Variants in JMJD1C observed in about 807,000 individuals in gnomAD.
JMJD1C encodes the protein jumonji domain containing 1C.
JMJD1C carries 31 observed loss-of-function variants against 245.3 expected under a neutral mutation model. That is an observed-to-expected ratio of 0.13 (90% CI 0.09 to 0.17). JMJD1C has a LOEUF of 0.17. Among genes scored for constraint, JMJD1C ranks in the 10% least tolerant of loss-of-function variants. JMJD1C has a pLI of 1.00. For missense variants in JMJD1C, 2,691 were observed against 3,000.2 expected (o/e 0.90, Z 2.41); for synonymous variants, 1,057 against 1,017.4 (o/e 1.04, Z -0.74).
At chr10:63,202,120 A>G (rs192117909) in intron 10 of JMJD1C, 1 of 172,942 alleles carries the variant, frequency 5.8e-6, no homozygotes, top group African/African-American at 2.5e-5. Context: ...CAGGCGCGGT[A>G]GCACGCACCT....
intron 2 of JMJD1C, among the ~76,000 whole-genome samples, chr10:63,326,963 G>A (rs1941595279): frequency 6.6e-6 from 1 of 152,178 alleles, no homozygotes; most frequent in African/African-American, 2.4e-5. Flanking sequence ...GAGACAGGAA[G>A]ATTGCTTGAG....
chr10:63,351,642 T>C (rs1358467231), intron 2 of JMJD1C, among the ~76,000 whole-genome samples: 1 of 151,908 alleles, frequency 6.6e-6, no homozygotes, highest in Non-Finnish European at 1.5e-5. Context: ...AAATAGAACA[T>C]AAAATCACCC....
intron 1 of JMJD1C, among the ~76,000 whole-genome samples, chr10:63,409,800 C>G (rs1313411790): frequency 6.6e-6 from 1 of 152,082 alleles, no homozygotes. Context: ...TCATAGATGC[C>G]TGAGGTCTTT....
At chr10:63,500,058 T>A (rs1954495270) in intron 1 of JMJD1C, among the ~76,000 whole-genome samples, 1 of 152,176 alleles carries the variant, frequency 6.6e-6, no homozygotes. Context: ...TAGGGGTAAA[T>A]GTAAATAACA....
chr10:63,443,147 G>C (rs1052967569), intron 1 of JMJD1C, among the ~76,000 whole-genome samples: 1 of 152,096 alleles, frequency 6.6e-6, no homozygotes, highest in Non-Finnish European at 1.5e-5. Context: ...TTTCTTACTA[G>C]ATTATTATTA....
At chr10:63,268,190 A>G (rs1326413114) in intron 2 of JMJD1C, among the ~76,000 whole-genome samples, 1 of 151,594 alleles carries the variant, frequency 6.6e-6, no homozygotes, top group African/African-American at 2.4e-5. Flanking sequence ...CTAAAGCAGA[A>G]AACAACCTAA....
chr10:63,323,487 T>A lies in JMJD1C; in HGVS notation c.333+56831A>T, dbSNP rs563338536. ...GTGAGCCAAGATCGCGCCACTGTAC[T>A]CCACCCTGGGTGACAGAGCAAGACT... On this transcript the variant is annotated intron_variant, in intron 2 of 25. Coordinates refer to ENST00000399262, the MANE Select transcript of JMJD1C (RefSeq NM_032776.3). Among the ~76,000 whole-genome samples the A allele has an allele frequency of 2.6e-5, 4 of 152,170 alleles. No individual in the cohort carries two copies. In the East Asian group the frequency reaches 7.7e-4, roughly 29 times the overall value.
chr10:63,400,207 A>G (rs1948763381), intron 1 of JMJD1C, among the ~76,000 whole-genome samples: 1 of 152,198 alleles, frequency 6.6e-6, no homozygotes, highest in South Asian at 2.1e-4. Context: ...ATAATGCTGC[A>G]ATGAATATAT....
chr10:63,325,939 T>G (rs1941443362), intron 2 of JMJD1C, among the ~76,000 whole-genome samples: 1 of 152,240 alleles, frequency 6.6e-6, no homozygotes, highest in Non-Finnish European at 1.5e-5. Context: ...ACATATTAAC[T>G]GCTAAATCCA....
intron 1 of JMJD1C, 95 bp downstream of exon 1, chr10:63,465,400 G>T: frequency 7.8e-7 from 1 of 1,288,320 alleles, no homozygotes. Flanking sequence ...CAGTTGGCCG[G>T]GCTGAGCGAG....
intron 1 of JMJD1C, among the ~76,000 whole-genome samples, chr10:63,462,187 A>G (rs1952841651): frequency 6.6e-6 from 1 of 152,222 alleles, no homozygotes; most frequent in African/African-American, 2.4e-5. Flanking sequence ...GTTAGCAAAG[A>G]TAATTCCAAT....
chr10:63,444,599 A>T (rs906205183), intron 1 of JMJD1C, among the ~76,000 whole-genome samples: 1 of 151,450 alleles, frequency 6.6e-6, no homozygotes, highest in South Asian at 2.1e-4. Flanking sequence ...TTAATTAAAC[A>T]AACAATTACT....
intron 1 of JMJD1C, among the ~76,000 whole-genome samples, chr10:63,493,958 C>A (rs927168081): frequency 6.6e-6 from 1 of 152,146 alleles, no homozygotes; most frequent in Non-Finnish European, 1.5e-5. Context: ...TCTTTTCTTC[C>A]CGTAGCTGGC....
At chr10:63,265,669 A>T (rs1855474190) in intron 2 of JMJD1C, among the ~76,000 whole-genome samples, 1 of 152,198 alleles carries the variant, frequency 6.6e-6, no homozygotes, top group Non-Finnish European at 1.5e-5. Context: ...ACCATTTTAA[A>T]AACACAGCTG....
At chr10:63,179,812 A>G (rs1427335494) in intron 22 of JMJD1C, among the ~76,000 whole-genome samples, 2 of 151,940 alleles carry the variant, frequency 1.3e-5, no homozygotes, top group Non-Finnish European at 2.9e-5. Flanking sequence ...TGTCTTTTGC[A>G]GCAACATGGA....
chr10:63,380,629 A>C, intron 1 of JMJD1C, 147 bp from the exon 2 acceptor site: 2 of 617,560 alleles, frequency 3.2e-6, no homozygotes, highest in Non-Finnish European at 5.6e-6. Flanking sequence ...AATCAGGGTA[A>C]TTAGAATATC....
intron 1 of JMJD1C, among the ~76,000 whole-genome samples, chr10:63,473,426 G>T (rs1475794245): frequency 2.0e-5 from 3 of 151,300 alleles, no homozygotes; most frequent in Non-Finnish European, 3.0e-5. Context: ...TTGCATTTTT[G>T]AGTAGAGACG....
chr10:63,491,346 T>TA (rs1318249383), intron 1 of JMJD1C, among the ~76,000 whole-genome samples: 2 of 152,198 alleles, frequency 1.3e-5, no homozygotes, highest in Admixed American at 1.3e-4. Context: ...TCTTAATATT[T>TA]ACATGTAATA....
Position 63,184,666 on chromosome 10 carries a change from A to G in JMJD1C, c.6903T>C (p.Ser2301=), listed in dbSNP as rs935888184. The change falls in exon 21 of 26, where the codon TCT becomes TCC. Residue 2301 remains serine (S), a synonymous_variant. Coordinates refer to ENST00000399262, the MANE Select transcript of JMJD1C (RefSeq NM_032776.3). The part of the protein sequence containing the change: ...CNPEGKFNLA[S]HLPGFFVRPD... The stretch of plus-strand genomic sequence containing the variant: ...GACGTACAAAAAATCCTGGCAAATG[A>G]GAGGCCAAATTGAATTTTCCTTCTG... The G allele has an allele frequency of 6.2e-7, 1 of 1,613,972 alleles. No homozygotes were observed. The highest frequency in any genetic ancestry group is 8.5e-7 in the Non-Finnish European group (1 of 1,179,866).
Sources: gnomAD v4.1 joint callset for allele counts (sites outside exome capture counted in the v4.1 genomes callset) on GRCh38, gnomAD v4.1.1 for gene constraint, MANE v1.5 for transcripts, NCBI Gene and HGNC (gene_info 2026-07-23, HGNC 2026-07-21) for gene names.